The following CARMIL1 variants were observed in gnomAD, a reference collection of about 807,000 sequenced individuals.
CARMIL1 encodes the protein capping protein regulator and myosin 1 linker 1.
Under a neutral mutation model 177.1 loss-of-function variants are expected in CARMIL1, and 90 were observed. The ratio of observed to expected loss-of-function variants is 0.51; its 90% CI spans 0.43 to 0.61. The LOEUF is 0.61. Among genes scored for constraint, CARMIL1 ranks in the 20% least tolerant of loss-of-function variants. CARMIL1 has a pLI of 0.00. For synonymous variants in CARMIL1, 577 were observed against 606.2 expected, an observed-to-expected ratio of 0.95 and a Z score of 0.71; for missense variants, 1,380 against 1,667.0, an observed-to-expected ratio of 0.83 and a Z score of 3.00.
chr6:25,580,902 T>A (rs752136221), intron 29 of CARMIL1, 22 bp from the exon 30 acceptor site: 5 of 1,556,924 alleles, frequency 3.2e-6, no homozygotes, highest in Non-Finnish European at 4.4e-6. Context: ...AGTGTTTTTT[T>A]AAATTATTAT....
intron 8 of CARMIL1, among the ~76,000 whole-genome samples, chr6:25,463,568 C>G (rs2150914198): frequency 6.6e-6 from 1 of 152,174 alleles, no homozygotes; most frequent in South Asian, 2.1e-4. Flanking sequence ...GTGGTCACTC[C>G]TTGACATTAA....
chr6:25,426,761 GA>G (rs1440139627), intron 4 of CARMIL1, among the ~76,000 whole-genome samples: 2 of 152,172 alleles, frequency 1.3e-5, no homozygotes, highest in Non-Finnish European at 2.9e-5. Flanking sequence ...CTCAGTTTGT[GA>G]AGAACAAATT....
chr6:25,548,996 AG>A (rs1294303751), intron 26 of CARMIL1, among the ~76,000 whole-genome samples: 3 of 152,174 alleles, frequency 2.0e-5, no homozygotes, highest in South Asian at 2.1e-4. Flanking sequence ...GTTGGGATAG[AG>A]GTGGTGGTAA....
At chr6:25,505,860 T>TGAA (rs71310734) in intron 17 of CARMIL1, among the ~76,000 whole-genome samples, 1 of 151,834 alleles carries the variant, frequency 6.6e-6, no homozygotes, top group Non-Finnish European at 1.5e-5. Flanking sequence ...TCCTTCCAAA[T>TGAA]AGACAAAAGT....
At chr6:25,342,478 G>T (rs1377848558) in intron 2 of CARMIL1, among the ~76,000 whole-genome samples, 1 of 152,096 alleles carries the variant, frequency 6.6e-6, no homozygotes. Context: ...GGCCTACCTG[G>T]GTTCAAATCC....
chr6:25,566,483 T>C (rs544307999), intron 29 of CARMIL1, among the ~76,000 whole-genome samples: 61 of 152,370 alleles, frequency 4.0e-4, no homozygotes, highest in African/African-American at 1.4e-3. Flanking sequence ...GCTGTCTTCG[T>C]GCTGTTTAGG....
At chr6:25,308,701 A>T (rs958123950) in intron 2 of CARMIL1, among the ~76,000 whole-genome samples, 1 of 151,908 alleles carries the variant, frequency 6.6e-6, no homozygotes, top group Non-Finnish European at 1.5e-5. Context: ...TAACAGTGAA[A>T]CAGGGAAACA....
chr6:25,392,844 C>T (rs1793013745), intron 2 of CARMIL1, among the ~76,000 whole-genome samples: 1 of 152,016 alleles, frequency 6.6e-6, no homozygotes, highest in African/African-American at 2.4e-5. Context: ...AAGCAATACC[C>T]CTCTTTATAA....
rs536557511 is a variant in CARMIL1, at chr6:25,517,397, T to C, written c.1856T>C (p.Ile619Thr). 1 of 1,613,290 alleles carries C rather than the reference T, an allele frequency of 6.2e-7. No individual in the cohort carries two copies. Among genetic ancestry groups the C allele is most frequent in the African/African-American group, 1.3e-5 (1 of 75,042 alleles). ...NNITAQGFQDIAVAMEKNYTL... is the reference protein window; with the variant it reads ...NNITAQGFQDTAVAMEKNYTL... ...ATCACTGCACAAGGCTTTCAGGATA[T>C]AGCTGTTGCTATGGAAAAGTAAGTT... is the stretch of plus-strand genomic sequence containing the variant. The change falls in exon 22 of 37, where the codon ATA (isoleucine) becomes ACA (threonine). Residue 619 changes from isoleucine (I) to threonine (T), a missense_variant. Coordinates refer to ENST00000329474, the MANE Select transcript of CARMIL1 (RefSeq NM_017640.6).
intron 9 of CARMIL1, among the ~76,000 whole-genome samples, chr6:25,469,287 A>C (rs1800894818): frequency 1.3e-5 from 2 of 152,188 alleles, no homozygotes; most frequent in Non-Finnish European, 2.9e-5. Flanking sequence ...TTTTCTTAAA[A>C]ATACTTGGCT....
chr6:25,378,727 C>T (rs1311394462), intron 2 of CARMIL1, among the ~76,000 whole-genome samples: 2 of 151,992 alleles, frequency 1.3e-5, no homozygotes, highest in Non-Finnish European at 2.9e-5. Flanking sequence ...AGTTTATCCT[C>T]CTCTCACACT....
intron 7 of CARMIL1, 114 bp from the exon 8 acceptor site, chr6:25,450,524 A>G (rs972592957): frequency 9.0e-7 from 1 of 1,113,234 alleles, no homozygotes; most frequent in Non-Finnish European, 1.3e-6. Flanking sequence ...TAAAATCTTC[A>G]CTTCTCAGAT....
At chr6:25,528,174 AT>A (rs544572348) in intron 23 of CARMIL1, among the ~76,000 whole-genome samples, 1 of 152,210 alleles carries the variant, frequency 6.6e-6, no homozygotes, top group Non-Finnish European at 1.5e-5. Context: ...ACAGAAATCT[AT>A]TTTTTATTTG....
At chr6:25,487,436 T>G (rs907818661) in intron 12 of CARMIL1, among the ~76,000 whole-genome samples, 1 of 152,180 alleles carries the variant, frequency 6.6e-6, no homozygotes, top group Non-Finnish European at 1.5e-5. Flanking sequence ...ATTTGATAGG[T>G]TGAGATTTTC....
At chr6:25,564,231 C>A (rs1811367686) in intron 29 of CARMIL1, among the ~76,000 whole-genome samples, 1 of 152,162 alleles carries the variant, frequency 6.6e-6, no homozygotes, top group African/African-American at 2.4e-5. Context: ...AGCCACACAG[C>A]AGCTCATGCA....
intron 4 of CARMIL1, among the ~76,000 whole-genome samples, chr6:25,427,261 T>A (rs1206318107): frequency 6.6e-6 from 1 of 152,204 alleles, no homozygotes; most frequent in Non-Finnish European, 1.5e-5. Context: ...GGTGGTTTGC[T>A]GCACCTATCC....
intron 2 of CARMIL1, among the ~76,000 whole-genome samples, chr6:25,404,650 G>A (rs1794197930): frequency 6.6e-6 from 1 of 151,998 alleles, no homozygotes; most frequent in Non-Finnish European, 1.5e-5. Context: ...CAGCTACTGA[G>A]GAGGCTGATT....
chr6:25,515,572 C>T lies in CARMIL1; in HGVS notation c.1633-103C>T, dbSNP rs1489600511. The T allele has an allele frequency of 1.6e-5, 17 of 1,057,938 alleles. No individual in the cohort carries two copies. The highest frequency in any genetic ancestry group is 3.0e-4 in the Middle Eastern group (1 of 3,384). 65.5% of individuals were successfully genotyped at this position (1,057,938 alleles called of 1,614,324 possible). On this transcript the variant is annotated intron_variant, in intron 20 of 36. Transcript: ENST00000329474. The surrounding 1 kb of genome is among the most constrained non-coding windows in gnomAD (Gnocchi z 5.0). ...TAGGTAGTAGTTCTAAAATCAGACA[C>T]GTGCAGTAGGTCCATCCCCTCTCAT... is the stretch of plus-strand genomic sequence containing the variant.
intron 2 of CARMIL1, among the ~76,000 whole-genome samples, chr6:25,340,804 T>TTA (rs1786840514): frequency 7.8e-6 from 1 of 128,244 alleles, no homozygotes; most frequent in African/African-American, 2.9e-5. Flanking sequence ...TTTTTTTTTT[T>TTA]AAGTCGTGTA....
Sources: allele counts gnomAD v4.1 joint callset (sites outside exome capture counted in the v4.1 genomes callset), GRCh38; gene constraint gnomAD v4.1.1; non-coding constraint Gnocchi (gnomAD v3.1); transcripts MANE v1.5; gene names NCBI Gene and HGNC (gene_info 2026-07-23, HGNC 2026-07-21).